LYPD6B: variants seen among roughly 807,000 people sequenced by gnomAD.
The protein encoded by LYPD6B is LY6/PLAUR domain containing 6B.
A neutral mutation model predicts 22.8 loss-of-function variants in LYPD6B; 17 were observed. That is an observed-to-expected ratio of 0.75 (90% CI 0.51 to 1.12). The LOEUF is 1.12. Among genes scored for constraint, LYPD6B ranks in the 50% most tolerant of loss-of-function variants. The pLI is 0.00. For missense variants in LYPD6B, 221 were observed against 258.3 expected (o/e 0.86, Z 0.99); for synonymous variants, 106 against 91.6 (o/e 1.16, Z -0.90).
chr2:149,048,058 T>C (rs1299477720), intron 1 of LYPD6B, among the ~76,000 whole-genome samples: 1 of 152,242 alleles, frequency 6.6e-6, no homozygotes, highest in Non-Finnish European at 1.5e-5. Flanking sequence ...TACGGACTTT[T>C]ATAATTAATT....
intron 1 of LYPD6B, among the ~76,000 whole-genome samples, chr2:149,096,234 A>G (rs1447662300): frequency 6.6e-6 from 1 of 152,156 alleles, no homozygotes; most frequent in East Asian, 1.9e-4. Flanking sequence ...AGAGACACAC[A>G]CAGAGAAATA....
chr2:149,111,409 A>T (rs1472897788), intron 1 of LYPD6B, among the ~76,000 whole-genome samples: 1 of 152,114 alleles, frequency 6.6e-6, no homozygotes, highest in Non-Finnish European at 1.5e-5. Context: ...ATGAAAAATC[A>T]GTCTGATTTG....
intron 1 of LYPD6B, among the ~76,000 whole-genome samples, chr2:149,062,342 T>G (rs1193704398): frequency 6.6e-6 from 1 of 152,192 alleles, no homozygotes; most frequent in Admixed American, 6.5e-5. Flanking sequence ...TATGTAGCAG[T>G]GTGATTGGCA....
At chr2:149,188,446 G>T (rs780733932) in intron 3 of LYPD6B, among the ~76,000 whole-genome samples, 3 of 152,118 alleles carry the variant, frequency 2.0e-5, no homozygotes, top group Non-Finnish European at 4.4e-5. Context: ...CCGAGGGTGG[G>T]GAAAAGGATT....
intron 1 of LYPD6B, among the ~76,000 whole-genome samples, chr2:149,075,788 T>G (rs1055768139): frequency 1.3e-5 from 2 of 152,224 alleles, no homozygotes; most frequent in Admixed American, 6.5e-5. Context: ...TTCTGATCAC[T>G]AAATGTCATA....
Position 149,174,374 on chromosome 2 carries a change from T to C in LYPD6B, c.77+13539T>C, listed in dbSNP as rs187097851. Reference sequence around the variant, plus strand: ...TCCCTTCCTATTTGAATACCATTTATTTCTTTCTCTTGCCTGATTGCCCTG... The same window carrying C: ...TCCCTTCCTATTTGAATACCATTTACTTCTTTCTCTTGCCTGATTGCCCTG... On this transcript the variant is annotated intron_variant, in intron 3 of 6. Coordinates refer to ENST00000409642, the MANE Select transcript of LYPD6B (RefSeq NM_177964.5). 4.4e-3 allele frequency among the ~76,000 whole-genome samples: 677 copies of C among 152,322 alleles called. 4 individuals are homozygous for C. The highest frequency in any genetic ancestry group is 0.012 in the South Asian group (57 of 4,828).
At chr2:149,194,072 G>T (rs776367254) in intron 3 of LYPD6B, among the ~76,000 whole-genome samples, 1 of 152,138 alleles carries the variant, frequency 6.6e-6, no homozygotes, top group Non-Finnish European at 1.5e-5. Context: ...TTTGGGGAGG[G>T]TGGTGACATT....
intron 1 of LYPD6B, among the ~76,000 whole-genome samples, chr2:149,058,565 T>A (rs1420984486): frequency 6.6e-6 from 1 of 152,206 alleles, no homozygotes; most frequent in Non-Finnish European, 1.5e-5. Flanking sequence ...GGGACAGGAA[T>A]TTGTGTTTAT....
chr2:149,212,001 G>A (rs1004419063), intron 5 of LYPD6B, among the ~76,000 whole-genome samples: 1 of 151,382 alleles, frequency 6.6e-6, no homozygotes, highest in Non-Finnish European at 1.5e-5. Flanking sequence ...AACAGAGAAA[G>A]TAAAAGAGGA....
chr2:149,091,391 A>T (rs1053356668), intron 1 of LYPD6B, among the ~76,000 whole-genome samples: 4 of 150,626 alleles, frequency 2.7e-5, no homozygotes, highest in African/African-American at 9.7e-5. Context: ...ATATATTTAT[A>T]TATATAAAGA....
chr2:149,064,016 C>T (rs906268332), intron 1 of LYPD6B, among the ~76,000 whole-genome samples: 4 of 152,144 alleles, frequency 2.6e-5, no homozygotes, highest in East Asian at 1.9e-4. Flanking sequence ...CAGATAGATG[C>T]GGAATTTAAT....
chr2:149,129,447 C>T (rs1687894859), intron 1 of LYPD6B, among the ~76,000 whole-genome samples: 1 of 152,222 alleles, frequency 6.6e-6, no homozygotes, highest in African/African-American at 2.4e-5. Flanking sequence ...TAGGGAACCC[C>T]TCCTCAAACT....
In LYPD6B at chr2:149,126,932, ATTT is replaced by A. The variant is rs34809542; in HGVS notation, c.-66-3940_-66-3938del. ...TTTCTCTCTGTACTGCCTTCTGGTC[ATTT>A]TTTTTTTTTTCATAAGCTTTGTCAG... On this transcript the variant is annotated intron_variant, in intron 1 of 6. Coordinates refer to ENST00000409642, the MANE Select transcript of LYPD6B (RefSeq NM_177964.5). 5.8e-4 allele frequency among the ~76,000 whole-genome samples: 82 copies of A among 141,090 alleles called. 1 individual carries two copies. Among genetic ancestry groups the A allele is most frequent in the African/African-American group, 1.9e-3 (74 of 38,306 alleles). 92.6% of individuals were successfully genotyped at this position (141,090 alleles called of 152,430 possible).
intron 2 of LYPD6B, among the ~76,000 whole-genome samples, chr2:149,135,779 T>C (rs956585732): frequency 1.4e-4 from 19 of 132,542 alleles, no homozygotes; most frequent in Non-Finnish European, 2.8e-4. Flanking sequence ...TCTGTGGAGG[T>C]CTAAAATATT....
chr2:149,160,892 A>T, intron 3 of LYPD6B, 57 bp downstream of exon 3: 1 of 1,301,690 alleles, frequency 7.7e-7, no homozygotes, highest in African/African-American at 1.5e-5. Context: ...GCTCTGGTTA[A>T]GTTGTTGGGA....
At chr2:149,104,794 C>T (rs978181217) in intron 1 of LYPD6B, among the ~76,000 whole-genome samples, 3 of 152,034 alleles carry the variant, frequency 2.0e-5, no homozygotes, top group Non-Finnish European at 2.9e-5. Flanking sequence ...AACCCAAAGT[C>T]ATAAAGATTT....
At chr2:149,185,827 T>A (rs1692060418) in intron 3 of LYPD6B, among the ~76,000 whole-genome samples, 1 of 152,312 alleles carries the variant, frequency 6.6e-6, no homozygotes, top group African/African-American at 2.4e-5. Flanking sequence ...TCCTCATTAT[T>A]ATTATACCTG....
intron 2 of LYPD6B, among the ~76,000 whole-genome samples, chr2:149,149,289 C>A (rs1216759092): frequency 7.2e-5 from 11 of 152,108 alleles, no homozygotes; most frequent in Admixed American, 7.2e-4. Flanking sequence ...AAAAACAGAG[C>A]CCGAACCAAG....
chr2:149,144,425 CCT>C (rs1688886336), intron 2 of LYPD6B, among the ~76,000 whole-genome samples: 1 of 152,022 alleles, frequency 6.6e-6, no homozygotes, highest in African/African-American at 2.4e-5. Context: ...AGAGTCTCCC[CCT>C]GTCACCCAGG....
Sources: gnomAD v4.1 joint callset for allele counts (sites outside exome capture counted in the v4.1 genomes callset) on GRCh38, gnomAD v4.1.1 for gene constraint, MANE v1.5 for transcripts, NCBI Gene and HGNC (gene_info 2026-07-23, HGNC 2026-07-21) for gene names.